The following LRRC47 variants were observed in gnomAD, a reference collection of about 807,000 sequenced individuals.
LRRC47 encodes leucine rich repeat containing 47, also known as leucine-rich repeat-containing protein 47.
Under a neutral mutation model 40.9 loss-of-function variants are expected in LRRC47, and 31 were observed. That is an observed-to-expected ratio of 0.76 (90% confidence interval 0.57 to 1.02). The LOEUF is 1.02. Ranked by LOEUF, LRRC47 falls within the 50% of genes least tolerant of loss-of-function variation. LRRC47 has a pLI of 0.00. For synonymous variants in LRRC47, 427 were observed against 371.9 expected (o/e 1.15, Z -1.70); for missense variants, 726 against 796.1 (o/e 0.91, Z 1.06).
chr1:3,796,421 T>C lies in LRRC47; in HGVS notation c.56A>G (p.Glu19Gly). The change falls in exon 1 of 7, where the codon GAG (glutamate) becomes GGG (glycine). Residue 19 changes from glutamate to glycine, a missense_variant. Transcript: ENST00000378251. Reference protein sequence around the residue: ...SWPELELAERERRRELLLTGP... With the variant: ...SWPELELAERGRRRELLLTGP... ...CGTCAGCAGCAGCTCCCGCCGCCGCTCGCGCTCAGCCAGCTCCAGCTCCGG... is the reference window on the plus strand; with the variant it reads ...CGTCAGCAGCAGCTCCCGCCGCCGCCCGCGCTCAGCCAGCTCCAGCTCCGG... The C allele has an allele frequency of 6.6e-7, 1 of 1,518,456 alleles. No individual in the cohort carries two copies. Among genetic ancestry groups the C allele is most frequent in the South Asian group, 1.2e-5 (1 of 82,924 alleles). The allele number at this position is 1,518,456 out of a possible 1,614,324, so 94.1% of individuals were successfully genotyped here.
chr1:3,787,193 T>C lies in LRRC47; in HGVS notation c.733A>G (p.Met245Val). The stretch of plus-strand genomic sequence containing the variant: ...GATCTGGTCTGGCAGCCGCTGACCA[T>C]CTTCTCCAGGCGCTTGTCCCTCAGC... ...NKLRDKRLEKMVSGCQTRSIL... is the reference protein window; with the variant it reads ...NKLRDKRLEKVVSGCQTRSIL... Residue 245 changes from methionine to valine, a missense_variant, in exon 2 of 7, where the codon ATG becomes GTG. Met to Val is a conservative substitution (Grantham distance 21). Transcript: ENST00000378251. The C allele has an allele frequency of 9.3e-6, 15 of 1,613,896 alleles. No homozygotes were observed. The highest frequency in any genetic ancestry group is 1.3e-5 in the Non-Finnish European group (15 of 1,180,046).
intron 4 of LRRC47, 24 bp downstream of exon 4, chr1:3,783,972 C>T: frequency 6.3e-7 from 1 of 1,585,118 alleles, no homozygotes; most frequent in East Asian, 2.3e-5. Context: ...GGCCCGGCCC[C>T]ACCCCACCAG....
intron 5 of LRRC47, 111 bp from the exon 6 acceptor site, chr1:3,781,712 G>T: frequency 2.4e-6 from 2 of 836,112 alleles, no homozygotes; most frequent in Non-Finnish European, 3.9e-6. Context: ...AGGCACAGTG[G>T]CTCACACCTG....
intron 1 of LRRC47, among the ~76,000 whole-genome samples, chr1:3,787,873 A>G (rs1643591114): frequency 6.6e-6 from 1 of 152,204 alleles, no homozygotes; most frequent in Non-Finnish European, 1.5e-5. Flanking sequence ...GCAGGAAGGA[A>G]AGGGGAAAGC....
intron 5 of LRRC47, among the ~76,000 whole-genome samples, 168 bp from the exon 6 acceptor site, chr1:3,781,769 C>G (rs559683419): frequency 6.6e-6 from 1 of 152,230 alleles, no homozygotes; most frequent in African/African-American, 2.4e-5. Flanking sequence ...TGCTTGAGCT[C>G]AGGAGTTCAA....
In LRRC47 at chr1:3,781,520, G is replaced by A; in HGVS notation, c.1495C>T (p.Leu499Phe). 6.2e-7 allele frequency: 1 copy of A among 1,613,666 alleles called. No homozygotes were observed. Among genetic ancestry groups the A allele is most frequent in the Non-Finnish European group, 8.5e-7 (1 of 1,179,776 alleles). ...AGCCACCCCACACTCACCAGAATGA[G>A]GGCATCCATGACATCCTTGCAAATC... ...LQICKDVMDALILKMAEMKKY... is the reference protein window; with the variant it reads ...LQICKDVMDAFILKMAEMKKY... Residue 499 changes from leucine to phenylalanine, a missense_variant, in exon 6 of 7, where the codon CTC (leucine) becomes TTC (phenylalanine). Coordinates refer to ENST00000378251, the MANE Select transcript of LRRC47 (RefSeq NM_020710.3).
chr1:3,793,306 TGGTTTAGAA>T (rs1643643570), intron 1 of LRRC47, among the ~76,000 whole-genome samples: 2 of 152,120 alleles, frequency 1.3e-5, no homozygotes, highest in African/African-American at 4.8e-5. Flanking sequence ...TTGGTCAGGC[TGGTTTAGAA>T]CTCCCGACCT....
intron 1 of LRRC47, among the ~76,000 whole-genome samples, chr1:3,794,377 T>A (rs1036605826): frequency 3.3e-5 from 5 of 152,076 alleles, no homozygotes; most frequent in African/African-American, 4.8e-5. Flanking sequence ...GGTTTGTTTT[T>A]TTTGCCACAG....
chr1:3,787,171 C>G lies in LRRC47; in HGVS notation c.755G>C (p.Arg252Thr). 6.2e-7 allele frequency: 1 copy of G among 1,613,922 alleles called. No homozygotes were observed. Among genetic ancestry groups the G allele is most frequent in the Non-Finnish European group, 8.5e-7 (1 of 1,180,044 alleles). ...GACGCGCAGGTACTCCAGGATGGAT[C>G]TGGTCTGGCAGCCGCTGACCATCTT... ...LEKMVSGCQT[R>T]SILEYLRVGG... The change falls in exon 2 of 7, where the codon AGA (arginine) becomes ACA (threonine). Residue 252 changes from arginine to threonine, a missense_variant. Arg to Thr is a moderately conservative substitution (Grantham distance 71). Coordinates refer to ENST00000378251, the MANE Select transcript of LRRC47 (RefSeq NM_020710.3).
chr1:3,781,472 G>GCT (rs759261044), intron 6 of LRRC47, 40 bp downstream of exon 6: 53 of 1,594,706 alleles, frequency 3.3e-5, no homozygotes, highest in Admixed American at 8.4e-5. Context: ...CACCACTCAC[G>GCT]CTCAAAAGCG....
rs761126746 is a variant in LRRC47, at chr1:3,795,988, A to G, written c.489T>C (p.Asn163=). The G allele has an allele frequency of 1.5e-5, 23 of 1,572,734 alleles. No homozygotes were observed. The highest frequency in any genetic ancestry group is 4.6e-5 in the East Asian group (2 of 43,326). Residue 163 remains asparagine, a synonymous_variant, in exon 1 of 7, where the codon AAT becomes AAC. Coordinates refer to ENST00000378251, the MANE Select transcript of LRRC47 (RefSeq NM_020710.3). ...GCTCGGCGGGAAAGGAGTCTAGGCA[A>G]TTGCCGGTGAGGTTGAGGCTCTGCA... ...PRLQSLNLTG[N]CLDSFPAELF...
chr1:3,793,870 C>T (rs1159844727), intron 1 of LRRC47, among the ~76,000 whole-genome samples: 2 of 152,118 alleles, frequency 1.3e-5, no homozygotes, highest in Non-Finnish European at 2.9e-5. Flanking sequence ...CCTTGAAAAA[C>T]CCCGCCTCCA....
intron 4 of LRRC47, chr1:3,782,985 G>A: frequency 3.5e-6 from 2 of 573,774 alleles, no homozygotes; most frequent in Admixed American, 3.0e-5. Flanking sequence ...GCTGCCTAAA[G>A]AGGAGTGAAC....
chr1:3,786,373 A>T (rs1643573291), intron 2 of LRRC47, among the ~76,000 whole-genome samples: 1 of 152,002 alleles, frequency 6.6e-6, no homozygotes, highest in Non-Finnish European at 1.5e-5. Context: ...GATGGTGAGC[A>T]CCTGTAATGC....
chr1:3,781,258 A>C lies in LRRC47; in HGVS notation c.1582T>G (p.Ser528Ala). The C allele has an allele frequency of 6.2e-7, 1 of 1,614,212 alleles. No homozygotes were observed. Residue 528 changes from serine to alanine, a missense_variant, in exon 7 of 7, where the codon TCT (serine) becomes GCT (alanine). Transcript: ENST00000378251. ...SLSDTEADAV[S>A]GQLPDPTTNP... is the part of the protein sequence containing the mutation. ...GTTGTGGGATCTGGAAGTTGTCCAG[A>C]GACTGCATCGGCTTCAGTATCTGAG...
intron 1 of LRRC47, among the ~76,000 whole-genome samples, chr1:3,792,914 G>GA (rs1043292277): frequency 1.3e-5 from 2 of 152,212 alleles, no homozygotes; most frequent in African/African-American, 2.4e-5. Flanking sequence ...GGGAAGGTGG[G>GA]AGTAGACCAT....
rs752139802 is a variant in LRRC47, at chr1:3,781,179, C to G, written c.1661G>C (p.Arg554Pro). ...GPSLLVVEQV[R>P]VVDLEGSLKV... ...CAGGCTCCCTTCCAGATCCACCACC[C>G]GGACCTGCTCCACCACCAGAAGGGA... The change falls in exon 7 of 7, where the codon CGG becomes CCG. Residue 554 changes from arginine to proline, a missense_variant. Coordinates refer to ENST00000378251, the MANE Select transcript of LRRC47 (RefSeq NM_020710.3). 1 of 1,614,044 alleles carries G rather than the reference C, an allele frequency of 6.2e-7. No individual in the cohort carries two copies. The highest frequency in any genetic ancestry group is 1.3e-5 in the African/African-American group (1 of 74,920).
chr1:3,792,819 T>TCC (rs1643639970), intron 1 of LRRC47, among the ~76,000 whole-genome samples: 1 of 152,224 alleles, frequency 6.6e-6, no homozygotes, highest in Non-Finnish European at 1.5e-5. Context: ...TGCAACTGAC[T>TCC]GGACACTTAC....
Position 3,782,745 on chromosome 1 carries a change from A to C in LRRC47, c.1329T>G (p.Asp443Glu), listed in dbSNP as rs1643532643. Residue 443 changes from aspartate (D) to glutamate (E), a missense_variant, in exon 5 of 7, where the codon GAT becomes GAG. Asp to Glu is a conservative substitution (Grantham distance 45). Transcript: ENST00000378251. Reference sequence around the variant, plus strand: ...CAAGACACGGGTAATTTTCATTTCCATCCAGCAAGTGAAGGTATCTGTATG... The same window carrying C: ...CAAGACACGGGTAATTTTCATTTCCCTCCAGCAAGTGAAGGTATCTGTATG... ...SGLHRYLHLL[D>E]GNENYPCLVD... The C allele has an allele frequency of 6.2e-7, 1 of 1,606,702 alleles. No homozygotes were observed. Among genetic ancestry groups the C allele is most frequent in the South Asian group, 1.1e-5 (1 of 90,954 alleles).
Sources: gnomAD v4.1 joint callset for allele counts (sites outside exome capture counted in the v4.1 genomes callset) on GRCh38, gnomAD v4.1.1 for gene constraint, MANE v1.5 for transcripts, NCBI Gene and HGNC (gene_info 2026-07-23, HGNC 2026-07-21) for gene names.